Variants in TTC6 observed in about 807,000 individuals in gnomAD.
TTC6 encodes tetratricopeptide repeat protein 6.
TTC6 carries 172 observed loss-of-function variants against 210.4 expected under a neutral mutation model. The observed-to-expected ratio is 0.82, with a 90% CI of 0.72 to 0.93. The LOEUF is 0.93. TTC6 is among the 40% of genes least tolerant of loss of function. The pLI, the probability that TTC6 is intolerant of heterozygous loss-of-function variation, is 0.00. For synonymous variants in TTC6, 804 were observed against 819.6 expected (o/e 0.98, Z 0.32); for missense variants, 2,414 against 2,318.1 (o/e 1.04, Z -0.85).
chr14:37,823,360 G>A (rs531966769), intron 26 of TTC6, among the ~76,000 whole-genome samples: 1 of 152,036 alleles, frequency 6.6e-6, no homozygotes, highest in Non-Finnish European at 1.5e-5. Context: ...ATATAAATAA[G>A]TTTAATTTAA....
chr14:37,810,087 G>T (rs1424528806), intron 24 of TTC6, among the ~76,000 whole-genome samples: 1 of 152,196 alleles, frequency 6.6e-6, no homozygotes, highest in Admixed American at 6.5e-5. Context: ...GAGAAACATT[G>T]TCTCTACCTG....
At chr14:37,706,572 T>C (rs1440032784) in intron 5 of TTC6, among the ~76,000 whole-genome samples, 1 of 152,114 alleles carries the variant, frequency 6.6e-6, no homozygotes, top group Non-Finnish European at 1.5e-5. Flanking sequence ...TGGAAGAATT[T>C]TAATTATGCA....
At chr14:37,672,821 ATT>A (rs377117749) in intron 1 of TTC6, among the ~76,000 whole-genome samples, 26,610 of 128,836 alleles carry the variant, frequency 0.21, 2,759 homozygotes, top group South Asian at 0.28. Flanking sequence ...TGAATTCCTC[ATT>A]TTTTTTTTTT....
intron 29 of TTC6, among the ~76,000 whole-genome samples, chr14:37,828,158 T>C (rs575301557): frequency 6.6e-6 from 1 of 152,212 alleles, no homozygotes; most frequent in East Asian, 1.9e-4. Context: ...TGGACTTCAA[T>C]TCATAATGTC....
chr14:37,651,404 TATATATATATATATATATA>T (rs1566864145), intron 1 of TTC6, among the ~76,000 whole-genome samples: 3 of 17,958 alleles, frequency 1.7e-4, no homozygotes, highest in African/African-American at 5.8e-4. Flanking sequence ...TATATATATA[TATATATATATATATATATA>T]TATTTTTTTT....
At chr14:37,622,647 G>T (rs2095653467) in exon 1 of TTC6, 2 of 1,535,104 alleles carry the variant, frequency 1.3e-6, no homozygotes, top group Admixed American at 3.9e-5. Context: ...AGCTCCTCTC[G>T]CAGGGCCCTG....
In TTC6 at chr14:37,796,871, G is replaced by GA. The variant is rs1318062754; in HGVS notation, c.3955dup (p.Ile1319AsnfsTer5). On this transcript the variant is annotated frameshift_variant, in exon 20 of 31. Coordinates refer to ENST00000553443, the Ensembl canonical transcript of TTC6. LOFTEE classifies it high-confidence loss of function. ...GACAAGGCCATTGAGGTCTTGGACGGAATCAGCTGGAATAGAGCTGAGATG... is the reference window on the plus strand; with the variant it reads ...GACAAGGCCATTGAGGTCTTGGACGGAAATCAGCTGGAATAGAGCTGAGATG... 1 of 1,611,036 alleles carries GA rather than the reference G, an allele frequency of 6.2e-7. No individual in the cohort carries two copies. The highest frequency in any genetic ancestry group is 2.2e-5 in the East Asian group (1 of 44,796).
intron 2 of TTC6, among the ~76,000 whole-genome samples, chr14:37,606,955 G>A (rs2095626295): frequency 1.3e-5 from 2 of 152,144 alleles, no homozygotes; most frequent in Admixed American, 6.5e-5. Flanking sequence ...TTGCTGATTT[G>A]CATTTGACAT....
At chr14:37,779,502 G>A (rs2096048142) in intron 14 of TTC6, among the ~76,000 whole-genome samples, 1 of 152,010 alleles carries the variant, frequency 6.6e-6, no homozygotes, top group South Asian at 2.1e-4. Context: ...GGTAAAATTG[G>A]TCTCTATAGT....
At chr14:37,622,203 G>A in exon 1 of TTC6, 2 of 1,535,574 alleles carry the variant, frequency 1.3e-6, no homozygotes, top group Non-Finnish European at 1.7e-6. Flanking sequence ...GCCGGCTGTA[G>A]ATGAAAGCCC....
intron 5 of TTC6, among the ~76,000 whole-genome samples, chr14:37,712,000 A>G (rs2095845488): frequency 6.6e-6 from 1 of 152,136 alleles, no homozygotes; most frequent in African/African-American, 2.4e-5. Context: ...TTCTCTGGAC[A>G]AAAAGAAGGA....
At chr14:37,775,021 A>AT (rs1555398066) in intron 14 of TTC6, among the ~76,000 whole-genome samples, 1 of 151,980 alleles carries the variant, frequency 6.6e-6, no homozygotes, top group Non-Finnish European at 1.5e-5. Flanking sequence ...GCTTGTGTGC[A>AT]TAGTGTTCAT....
At chr14:37,807,661 T>G (rs1346291971) in intron 23 of TTC6, among the ~76,000 whole-genome samples, 3 of 152,192 alleles carry the variant, frequency 2.0e-5, no homozygotes, top group African/African-American at 7.2e-5. Context: ...CATTTACATT[T>G]TAAATAACAT....
At chr14:37,665,100 A>G (rs2138433956) in intron 1 of TTC6, among the ~76,000 whole-genome samples, 1 of 150,670 alleles carries the variant, frequency 6.6e-6, no homozygotes, top group African/African-American at 2.4e-5. Flanking sequence ...CAATTCCTCA[A>G]ATAGCTTGAG....
At chr14:37,805,255 A>G (rs1313872441) in intron 21 of TTC6, among the ~76,000 whole-genome samples, 1 of 152,234 alleles carries the variant, frequency 6.6e-6, no homozygotes, top group Admixed American at 6.5e-5. Flanking sequence ...TAAGATGGCC[A>G]GATTTACTGA....
At chr14:37,702,113 C>G (rs529689610) in intron 5 of TTC6, among the ~76,000 whole-genome samples, 1 of 152,118 alleles carries the variant, frequency 6.6e-6, no homozygotes, top group African/African-American at 2.4e-5. Context: ...AACTATATTC[C>G]GAGCAACTGT....
rs140269272 is a variant in TTC6, at chr14:37,654,635, G to T, written c.940-25516G>T. Among the ~76,000 whole-genome samples the T allele has an allele frequency of 2.0e-3, 300 of 152,212 alleles. 6 individuals carry two copies. In the East Asian group the frequency reaches 0.045, roughly 23 times the overall value. ...CAATGTGAGAAAGGACTAATACAATGCTTTTTAGAAATCCTTTCTTTATAG... is the reference window on the plus strand; with the variant it reads ...CAATGTGAGAAAGGACTAATACAATTCTTTTTAGAAATCCTTTCTTTATAG... On this transcript the variant is annotated intron_variant, in intron 1 of 30. Coordinates refer to ENST00000553443, the Ensembl canonical transcript of TTC6.
intron 5 of TTC6, among the ~76,000 whole-genome samples, chr14:37,707,567 A>C (rs986334956): frequency 1.6e-4 from 25 of 152,110 alleles, no homozygotes; most frequent in Non-Finnish European, 3.2e-4. Context: ...AAATTCTATC[A>C]GTCTCTTAAG....
At chr14:37,727,447 C>G (rs1222474519) in intron 7 of TTC6, among the ~76,000 whole-genome samples, 1 of 151,756 alleles carries the variant, frequency 6.6e-6, no homozygotes, top group Non-Finnish European at 1.5e-5. Flanking sequence ...GCGCACACCA[C>G]CATGCCTGGC....
Sources: gnomAD v4.1 joint callset for allele counts (sites outside exome capture counted in the v4.1 genomes callset) on GRCh38, gnomAD v4.1.1 for gene constraint, MANE v1.5 for transcripts, NCBI Gene and HGNC (gene_info 2026-07-23, HGNC 2026-07-21) for gene names.